The following GPC5 variants were observed in gnomAD, a reference collection of about 807,000 sequenced individuals.
GPC5 encodes glypican 5.
A neutral mutation model predicts 53.9 loss-of-function variants in GPC5; 47 were observed. That is an observed-to-expected ratio of 0.87 (90% confidence interval 0.69 to 1.11). The LOEUF is 1.11. GPC5 is among the 50% of genes most tolerant of loss of function. The pLI, the probability that GPC5 is intolerant of heterozygous loss-of-function variation, is 0.00. For missense variants in GPC5, 748 were observed against 713.1 expected (o/e 1.05, Z -0.56); for synonymous variants, 286 against 263.3 (o/e 1.09, Z -0.84).
At chr13:92,157,175 T>C (rs1397578688) in intron 7 of GPC5, among the ~76,000 whole-genome samples, 5 of 152,294 alleles carry the variant, frequency 3.3e-5, no homozygotes, top group African/African-American at 1.2e-4. Flanking sequence ...TTTTGCTGAA[T>C]TTTTAAAATG....
At chr13:92,239,554 T>C (rs979093726) in intron 7 of GPC5, among the ~76,000 whole-genome samples, 1 of 152,024 alleles carries the variant, frequency 6.6e-6, no homozygotes, top group African/African-American at 2.4e-5. Flanking sequence ...TTCTAAGAAA[T>C]ATAAATTTGT....
At chr13:92,291,414 A>T (rs2042994683) in intron 7 of GPC5, among the ~76,000 whole-genome samples, 1 of 152,088 alleles carries the variant, frequency 6.6e-6, no homozygotes, top group Non-Finnish European at 1.5e-5. Flanking sequence ...ACCAATCAGC[A>T]CCCTGTGTCT....
intron 6 of GPC5, among the ~76,000 whole-genome samples, chr13:92,074,222 T>C (rs1472924898): frequency 6.6e-6 from 1 of 152,158 alleles, no homozygotes; most frequent in Non-Finnish European, 1.5e-5. Flanking sequence ...AGTTGAGCTA[T>C]GTAAACAATG....
Position 91,965,192 on chromosome 13 carries a change from G to A in GPC5, c.1401+57135G>A, listed in dbSNP as rs559477269. Among the ~76,000 whole-genome samples the A allele has an allele frequency of 3.3e-5, 5 of 152,026 alleles. No individual in the cohort carries two copies. The East Asian group carries it at 7.8e-4, about 24-fold the overall frequency. Reference sequence around the variant, plus strand: ...GCAAATGTATACATGTGTAAAAAACGTGCACGTTGTACACATGTACCCAGA... The same window carrying A: ...GCAAATGTATACATGTGTAAAAAACATGCACGTTGTACACATGTACCCAGA... On this transcript the variant is annotated intron_variant, in intron 6 of 7. Transcript: ENST00000377067.
At chr13:92,728,529 A>C (rs1250066026) in intron 7 of GPC5, among the ~76,000 whole-genome samples, 2 of 151,442 alleles carry the variant, frequency 1.3e-5, no homozygotes, top group Non-Finnish European at 3.0e-5. Context: ...CCAACATGAA[A>C]AACAGAGAAA....
chr13:92,264,084 A>G (rs1050724157), intron 7 of GPC5, among the ~76,000 whole-genome samples: 3 of 152,162 alleles, frequency 2.0e-5, no homozygotes, highest in African/African-American at 4.8e-5. Flanking sequence ...TTTGTCATTT[A>G]AAAATAAAAT....
At chr13:92,067,396 G>T (rs573837365) in intron 6 of GPC5, among the ~76,000 whole-genome samples, 1 of 151,966 alleles carries the variant, frequency 6.6e-6, no homozygotes, top group Non-Finnish European at 1.5e-5. Context: ...TCTGGTATGC[G>T]TGCAACATCC....
At chr13:92,011,998 G>C (rs117517094) in intron 6 of GPC5, among the ~76,000 whole-genome samples, 2,009 of 152,280 alleles carry the variant, frequency 0.013, 21 homozygotes, top group Middle Eastern at 0.024. Flanking sequence ...GGTTTGAGGA[G>C]ATTCTATGAG....
At chr13:91,984,266 T>C (rs1244585435) in intron 6 of GPC5, among the ~76,000 whole-genome samples, 3 of 152,200 alleles carry the variant, frequency 2.0e-5, no homozygotes, top group African/African-American at 7.2e-5. Context: ...ACTGAGTATG[T>C]GACTAAATTG....
intron 7 of GPC5, among the ~76,000 whole-genome samples, chr13:92,268,966 G>A (rs2042821747): frequency 6.6e-6 from 1 of 151,524 alleles, no homozygotes; most frequent in Non-Finnish European, 1.5e-5. Context: ...TTGTCTATTT[G>A]GTTGTTATAT....
At chr13:91,480,900 A>G (rs747597490) in intron 2 of GPC5, among the ~76,000 whole-genome samples, 1 of 151,634 alleles carries the variant, frequency 6.6e-6, no homozygotes, top group Non-Finnish European at 1.5e-5. Context: ...AGAATCCCCA[A>G]ATGGTCAGGT....
Position 92,401,300 on chromosome 13 carries a change from A to G in GPC5, c.1561+256311A>G, listed in dbSNP as rs147001144. On this transcript the variant is annotated intron_variant, in intron 7 of 7. Coordinates refer to ENST00000377067, the MANE Select transcript of GPC5 (RefSeq NM_004466.6). ...TATCTCCTGGGTGCATAGTACTATG[A>G]CCTTTCCTGTGTAGATGTATATTAA... Among the ~76,000 whole-genome samples, 417 of 152,036 alleles carry G rather than the reference A, an allele frequency of 2.7e-3. 3 individuals are homozygous for G. The highest frequency in any genetic ancestry group is 9.6e-3 in the African/African-American group (397 of 41,490).
At chr13:92,265,720 T>G (rs2042798107) in intron 7 of GPC5, among the ~76,000 whole-genome samples, 1 of 152,110 alleles carries the variant, frequency 6.6e-6, no homozygotes, top group South Asian at 2.1e-4. Flanking sequence ...CAAAGTTGCT[T>G]CCATATTTTC....
chr13:91,553,486 A>T (rs2030767076), intron 2 of GPC5, among the ~76,000 whole-genome samples: 1 of 152,082 alleles, frequency 6.6e-6, no homozygotes, highest in Admixed American at 6.6e-5. Context: ...AATAAAAATG[A>T]GTTTTCTAAA....
intron 5 of GPC5, among the ~76,000 whole-genome samples, chr13:91,842,993 A>G (rs2038806933): frequency 6.6e-6 from 1 of 152,186 alleles, no homozygotes; most frequent in Middle Eastern, 3.4e-3. Context: ...TATTTCAATG[A>G]CTGTTTTACT....
chr13:92,617,845 T>G (rs1341185279), intron 7 of GPC5, among the ~76,000 whole-genome samples: 1 of 152,188 alleles, frequency 6.6e-6, no homozygotes, highest in Non-Finnish European at 1.5e-5. Flanking sequence ...TTTCTTCTTT[T>G]TTTATTATAC....
intron 1 of GPC5, among the ~76,000 whole-genome samples, chr13:91,417,237 G>A (rs1020870995): frequency 6.6e-6 from 1 of 152,170 alleles, no homozygotes; most frequent in African/African-American, 2.4e-5. Flanking sequence ...TCATACCAAG[G>A]TCGTGATGTG....
chr13:92,774,137 A>C (rs891264603), intron 7 of GPC5, among the ~76,000 whole-genome samples: 1 of 152,248 alleles, frequency 6.6e-6, no homozygotes, highest in Non-Finnish European at 1.5e-5. Flanking sequence ...AAACCATATC[A>C]GCTTTTAAAT....
intron 6 of GPC5, among the ~76,000 whole-genome samples, chr13:92,143,547 A>G (rs1396572343): frequency 6.6e-6 from 1 of 152,140 alleles, no homozygotes; most frequent in Non-Finnish European, 1.5e-5. Flanking sequence ...ACTTCTTTTT[A>G]ATTTAATGCC....
Sources: gnomAD v4.1 joint callset for allele counts (sites outside exome capture counted in the v4.1 genomes callset) on GRCh38, gnomAD v4.1.1 for gene constraint, MANE v1.5 for transcripts, NCBI Gene and HGNC (gene_info 2026-07-23, HGNC 2026-07-21) for gene names.